The following RANBP17 variants were observed in gnomAD, a reference collection of about 807,000 sequenced individuals.
The protein encoded by RANBP17 is ran-binding protein 17.
RANBP17 carries 158 observed loss-of-function variants against 141.2 expected under a neutral mutation model. The observed-to-expected ratio is 1.12, with a 90% CI of 0.98 to 1.28. The LOEUF is 1.28. Among genes scored for constraint, RANBP17 ranks in the 50% most tolerant of loss-of-function variants. RANBP17 has a pLI of 0.00. For synonymous variants in RANBP17, 430 were observed against 450.0 expected (o/e 0.96, Z 0.56); for missense variants, 1,438 against 1,290.7 (o/e 1.11, Z -1.75).
chr5:170,903,455 G>A (rs1770819724), intron 5 of RANBP17: 2 of 158,332 alleles, frequency 1.3e-5, no homozygotes, highest in South Asian at 1.9e-4. Flanking sequence ...TAGACCACTT[G>A]GCTCCCTGGC....
intron 14 of RANBP17, among the ~76,000 whole-genome samples, chr5:171,144,121 G>T (rs760249926): frequency 6.6e-6 from 1 of 152,062 alleles, no homozygotes; most frequent in African/African-American, 2.4e-5. Flanking sequence ...TCAACACTTC[G>T]GGAGGCCAAA....
At chr5:171,151,543 G>A (rs1758477971) in intron 14 of RANBP17, among the ~76,000 whole-genome samples, 1 of 152,122 alleles carries the variant, frequency 6.6e-6, no homozygotes, top group African/African-American at 2.4e-5. Context: ...ATAAGTTCAT[G>A]AATTAAAGAT....
intron 3 of RANBP17, among the ~76,000 whole-genome samples, chr5:170,889,072 T>G (rs542809979): frequency 7.9e-4 from 120 of 152,006 alleles, no homozygotes; most frequent in Non-Finnish European, 1.4e-3. Context: ...TTTTTTTTTG[T>G]AGTTTCTTTT....
intron 14 of RANBP17, among the ~76,000 whole-genome samples, chr5:171,135,404 T>C (rs1413149793): frequency 1.3e-5 from 2 of 152,138 alleles, no homozygotes; most frequent in African/African-American, 2.4e-5. Flanking sequence ...CTAGAAAATA[T>C]TTCTTCCGTA....
At chr5:171,116,799 C>T (rs1226386676) in intron 14 of RANBP17, among the ~76,000 whole-genome samples, 1 of 152,150 alleles carries the variant, frequency 6.6e-6, no homozygotes. Flanking sequence ...AAACAAATCT[C>T]TCCTTATCTT....
At chr5:170,862,770 CATTT>C (rs560434940) in intron 1 of RANBP17, among the ~76,000 whole-genome samples, 43 of 152,334 alleles carry the variant, frequency 2.8e-4, no homozygotes, top group African/African-American at 9.9e-4. Context: ...ATTCAGCAAA[CATTT>C]ATTATCTCCC....
chr5:171,290,451 C>T (rs1195179305), intron 25 of RANBP17, among the ~76,000 whole-genome samples: 2 of 151,902 alleles, frequency 1.3e-5, no homozygotes, highest in African/African-American at 4.8e-5. Context: ...TATGCTTGTG[C>T]TTTACATCCC....
chr5:170,958,658 C>G (rs1215286098), intron 13 of RANBP17, among the ~76,000 whole-genome samples: 1 of 152,236 alleles, frequency 6.6e-6, no homozygotes, highest in Middle Eastern at 3.4e-3. Flanking sequence ...AGCATTCCAA[C>G]TCCTCAGAGA....
intron 14 of RANBP17, among the ~76,000 whole-genome samples, chr5:171,162,122 C>T (rs1221019344): frequency 6.6e-6 from 1 of 152,174 alleles, no homozygotes; most frequent in African/African-American, 2.4e-5. Flanking sequence ...GTGCCATAGC[C>T]ATAGTTAGCT....
chr5:171,192,122 A>T (rs1481162476), intron 18 of RANBP17, among the ~76,000 whole-genome samples: 7 of 152,226 alleles, frequency 4.6e-5, no homozygotes, highest in Non-Finnish European at 8.8e-5. Flanking sequence ...AGGAAGGTTT[A>T]GCAAGTGAGG....
intron 14 of RANBP17, among the ~76,000 whole-genome samples, chr5:171,016,469 GCTACCACCTTGCCATTTGTTTT>G (rs1329899749): frequency 6.6e-6 from 1 of 151,622 alleles, no homozygotes; most frequent in African/African-American, 2.4e-5. Context: ...TATCAATATG[GCTACCACCTTGCCATTTGTTTT>G]CTATTTATCC....
At chr5:171,184,928 T>C (rs1761131694) in intron 18 of RANBP17, among the ~76,000 whole-genome samples, 7 of 152,146 alleles carry the variant, frequency 4.6e-5, no homozygotes. Flanking sequence ...TTTGGGAGGC[T>C]GAGGCGGGTG....
chr5:171,192,084 G>A (rs1025876388), intron 18 of RANBP17, among the ~76,000 whole-genome samples: 7 of 152,188 alleles, frequency 4.6e-5, no homozygotes, highest in Non-Finnish European at 5.9e-5. Flanking sequence ...TCTTCTCATG[G>A]ATAAAGGAAC....
intron 14 of RANBP17, among the ~76,000 whole-genome samples, chr5:171,003,160 A>G (rs190853112): frequency 3.9e-5 from 6 of 152,310 alleles, no homozygotes; most frequent in Admixed American, 3.9e-4. Flanking sequence ...TAAAAAGGCT[A>G]CAGAGTGCGG....
intron 14 of RANBP17, among the ~76,000 whole-genome samples, chr5:171,009,629 C>T (rs1008853616): frequency 6.6e-6 from 1 of 152,104 alleles, no homozygotes; most frequent in Admixed American, 6.6e-5. Flanking sequence ...ACATAGTCAA[C>T]TTCAGTGTGA....
At chr5:171,071,916 T>C (rs1285364054) in intron 14 of RANBP17, among the ~76,000 whole-genome samples, 1 of 152,026 alleles carries the variant, frequency 6.6e-6, no homozygotes, top group African/African-American at 2.4e-5. Flanking sequence ...ACTTTCACTC[T>C]AAGAAAGGCA....
chr5:171,106,804 G>A (rs1754873308), intron 14 of RANBP17, among the ~76,000 whole-genome samples: 1 of 151,844 alleles, frequency 6.6e-6, no homozygotes, highest in Middle Eastern at 3.4e-3. Context: ...TTGGGGGTGG[G>A]GAAATAGATG....
In RANBP17 at chr5:171,170,211, C is replaced by A; in HGVS notation, c.1784+8C>A. 2.0e-6 allele frequency: 3 copies of A among 1,513,650 alleles called. No homozygotes were observed. Among genetic ancestry groups the A allele is most frequent in the Non-Finnish European group, 1.8e-6 (2 of 1,114,472 alleles). 93.8% of individuals were successfully genotyped at this position (1,513,650 alleles called of 1,614,324 possible). The stretch of plus-strand genomic sequence containing the variant: ...GACGTTCATGACAAAAATGTGAGTT[C>A]TTGTTTTGGTCTTTAATTTTTCTTT... On this transcript the variant is annotated splice_region_variant and intron_variant, in intron 15 of 27. Coordinates refer to ENST00000523189, the MANE Select transcript of RANBP17 (RefSeq NM_022897.5).
chr5:171,111,029 A>G, intron 14 of RANBP17, among the ~76,000 whole-genome samples: 1 of 140,820 alleles, frequency 7.1e-6, no homozygotes, highest in Non-Finnish European at 1.5e-5. Context: ...ACCCCACCAC[A>G]GTCCCCAGAG....
Sources: allele counts gnomAD v4.1 joint callset (sites outside exome capture counted in the v4.1 genomes callset), GRCh38; gene constraint gnomAD v4.1.1; transcripts MANE v1.5; gene names NCBI Gene and HGNC (gene_info 2026-07-23, HGNC 2026-07-21).